Variants in SLC2A13 observed in about 807,000 individuals in gnomAD.
SLC2A13 encodes proton myo-inositol cotransporter.
SLC2A13 carries 32 observed loss-of-function variants against 64.4 expected under a neutral mutation model. The observed-to-expected ratio is 0.50, with a 90% CI of 0.37 to 0.67. The LOEUF (loss-of-function observed/expected upper bound fraction) is 0.67. Among genes scored for constraint, SLC2A13 ranks in the 30% least tolerant of loss-of-function variants. SLC2A13 has a pLI of 0.00. For synonymous variants in SLC2A13, 338 were observed against 327.1 expected, an observed-to-expected ratio of 1.03 and a Z score of -0.36; for missense variants, 743 against 829.2, an observed-to-expected ratio of 0.90 and a Z score of 1.28.
chr12:39,797,727 A>AACAC (rs1555237479), intron 7 of SLC2A13, among the ~76,000 whole-genome samples: 34 of 84,066 alleles, frequency 4.0e-4, no homozygotes, highest in South Asian at 3.5e-3. Context: ...AGTTATGGTA[A>AACAC]ACACACACAC....
intron 4 of SLC2A13, among the ~76,000 whole-genome samples, chr12:39,939,666 A>T (rs569814149): frequency 6.6e-6 from 1 of 152,382 alleles, no homozygotes; most frequent in African/African-American, 2.4e-5. Context: ...TGGTCTTAAC[A>T]TATAAGAAGC....
At chr12:39,993,489 A>G (rs1947173597) in intron 3 of SLC2A13, among the ~76,000 whole-genome samples, 1 of 152,246 alleles carries the variant, frequency 6.6e-6, no homozygotes, top group African/African-American at 2.4e-5. Flanking sequence ...GCCAGTTGCT[A>G]GGAAACGTGA....
chr12:39,843,794 G>T (rs950536323), intron 6 of SLC2A13, among the ~76,000 whole-genome samples: 1 of 151,982 alleles, frequency 6.6e-6, no homozygotes, highest in African/African-American at 2.4e-5. Context: ...AAACCACAAA[G>T]ATTTTGTTAT....
intron 1 of SLC2A13, among the ~76,000 whole-genome samples, chr12:40,054,310 G>A (rs937767183): frequency 5.3e-5 from 8 of 152,070 alleles, no homozygotes; most frequent in Non-Finnish European, 1.0e-4. Context: ...GTTCAGGAGA[G>A]TTCTATGAAG....
intron 6 of SLC2A13, among the ~76,000 whole-genome samples, chr12:39,855,178 C>T (rs1294504237): frequency 6.6e-6 from 1 of 152,094 alleles, no homozygotes; most frequent in Non-Finnish European, 1.5e-5. Flanking sequence ...ATATTTGTTA[C>T]TTAATGTGTT....
chr12:39,941,508 C>T (rs897446451), intron 4 of SLC2A13, among the ~76,000 whole-genome samples: 19 of 152,110 alleles, frequency 1.2e-4, no homozygotes, highest in Non-Finnish European at 2.4e-4. Flanking sequence ...TTGATTTGCA[C>T]TTCCCTGATC....
intron 4 of SLC2A13, among the ~76,000 whole-genome samples, chr12:39,920,785 A>G (rs1945602057): frequency 6.6e-6 from 1 of 152,104 alleles, no homozygotes. Flanking sequence ...ATCTGTGCAT[A>G]GCATTCCGAT....
chr12:40,083,388 T>C (rs1340053843), intron 1 of SLC2A13, among the ~76,000 whole-genome samples: 1 of 152,200 alleles, frequency 6.6e-6, no homozygotes, highest in East Asian at 1.9e-4. Context: ...TTCCACATAA[T>C]TGGGACTGTC....
At chr12:39,947,938 G>T (rs922621819) in intron 4 of SLC2A13, among the ~76,000 whole-genome samples, 3 of 152,012 alleles carry the variant, frequency 2.0e-5, no homozygotes, top group African/African-American at 7.3e-5. Flanking sequence ...GGAATTACAG[G>T]CATGAGCCAC....
chr12:39,777,259 G>A (rs754406650), intron 7 of SLC2A13, among the ~76,000 whole-genome samples: 16 of 152,088 alleles, frequency 1.1e-4, no homozygotes, highest in Non-Finnish European at 1.8e-4. Flanking sequence ...GTAAAGGCAG[G>A]GAAATAGTCA....
chr12:40,061,722 A>G (rs1948426693), intron 1 of SLC2A13, among the ~76,000 whole-genome samples: 1 of 152,012 alleles, frequency 6.6e-6, no homozygotes, highest in African/African-American at 2.4e-5. Flanking sequence ...TCAAAAGATG[A>G]CTGTACTTTC....
intron 7 of SLC2A13, among the ~76,000 whole-genome samples, chr12:39,818,295 G>A (rs1256672934): frequency 1.4e-5 from 2 of 145,688 alleles, no homozygotes; most frequent in Non-Finnish European, 3.0e-5. Flanking sequence ...AATGAGTTGG[G>A]GGGAGGGGGA....
rs1939296488 is a variant in SLC2A13, at chr12:40,105,950, G to C, written c.-142C>G. ...GGCTTCCGCTCCGGCTGCCACGGCA[G>C]CAGCCGCCGCCACGGCCGCTCCGGG... On this transcript the variant is annotated 5_prime_UTR_variant, in exon 1 of 10. Coordinates refer to ENST00000280871, the MANE Select transcript of SLC2A13 (RefSeq NM_052885.4). The surrounding 1 kb of genome is among the most constrained non-coding windows in gnomAD (Gnocchi z 4.2). 8.5e-6 allele frequency: 9 copies of C among 1,061,890 alleles called. No individual in the cohort carries two copies. Among genetic ancestry groups the C allele is most frequent in the Non-Finnish European group, 6.1e-6 (5 of 818,272 alleles). The allele number at this position is 1,061,890 out of a possible 1,614,324, so 65.8% of individuals were successfully genotyped here. A position where few individuals can be genotyped will look rare whatever the true frequency, so the allele number is the denominator to read the frequency against.
rs1302779239 is a variant in SLC2A13 at position 39,757,749 on chromosome 12, A to G, written c.*2277T>C. 6.6e-6 allele frequency: 1 copy of G among 152,190 alleles called. No homozygotes were observed. Among genetic ancestry groups the G allele is most frequent in the Non-Finnish European group, 1.5e-5 (1 of 67,692 alleles). The allele number at this position is 152,190 out of a possible 1,614,324, so 9.4% of individuals were successfully genotyped here. A position where few individuals can be genotyped will look rare whatever the true frequency, so the allele number is the denominator to read the frequency against. On this transcript the variant is annotated 3_prime_UTR_variant, in exon 10 of 10. Transcript: ENST00000280871. Reference sequence around the variant, plus strand: ...GTTGAAAACATTGTTTTCTTATATCAGGGAGAACAGGCCATGTTCTGCTTT... The same window carrying G: ...GTTGAAAACATTGTTTTCTTATATCGGGGAGAACAGGCCATGTTCTGCTTT...
intron 1 of SLC2A13, among the ~76,000 whole-genome samples, chr12:40,095,492 AG>A (rs1366382055): frequency 2.0e-5 from 3 of 152,262 alleles, no homozygotes; most frequent in African/African-American, 7.2e-5. Context: ...TAATATTTGC[AG>A]GATATGTGTA....
intron 7 of SLC2A13, among the ~76,000 whole-genome samples, chr12:39,779,178 A>T (rs1054568270): frequency 6.6e-6 from 1 of 152,158 alleles, no homozygotes; most frequent in African/African-American, 2.4e-5. Flanking sequence ...TTTTTCTTAC[A>T]GTTTTGCTCT....
At chr12:39,885,933 G>A (rs1213597414) in intron 4 of SLC2A13, among the ~76,000 whole-genome samples, 1 of 152,166 alleles carries the variant, frequency 6.6e-6, no homozygotes, top group Non-Finnish European at 1.5e-5. Context: ...TTGTGACCCA[G>A]TTTGTATAGA....
intron 1 of SLC2A13, among the ~76,000 whole-genome samples, chr12:40,054,020 C>T (rs1439007921): frequency 6.6e-6 from 1 of 152,154 alleles, no homozygotes; most frequent in African/African-American, 2.4e-5. Flanking sequence ...TTAAGTAAAA[C>T]TACTGCTTAA....
At chr12:39,972,697 A>G (rs571125834) in intron 3 of SLC2A13, among the ~76,000 whole-genome samples, 2 of 152,236 alleles carry the variant, frequency 1.3e-5, no homozygotes, top group Admixed American at 1.3e-4. Flanking sequence ...TGAAAAATCA[A>G]CCTTTTAAAA....
Sources: gnomAD v4.1 joint callset for allele counts (sites outside exome capture counted in the v4.1 genomes callset) on GRCh38, gnomAD v4.1.1 for gene constraint, Gnocchi (gnomAD v3.1) non-coding constraint, MANE v1.5 for transcripts, NCBI Gene and HGNC (gene_info 2026-07-23, HGNC 2026-07-21) for gene names.